The following LRRC37A2 variants were observed in gnomAD, a reference collection of about 807,000 sequenced individuals.
LRRC37A2 encodes the protein leucine-rich repeat-containing protein 37A2.
Under a neutral mutation model 68.8 loss-of-function variants are expected in LRRC37A2, and 9 were observed. The observed-to-expected ratio is 0.13, with a 90% CI of 0.08 to 0.23. LRRC37A2 has a LOEUF of 0.23. LRRC37A2 is among the 10% of genes least tolerant of loss of function. LRRC37A2 has a pLI of 1.00. For missense variants in LRRC37A2, 168 were observed against 950.4 expected (o/e 0.18, Z 10.82); for synonymous variants, 63 against 367.6 (o/e 0.17, Z 9.48).
chr17:46,846,026 G>A, the LRRC37A2 span, among the ~76,000 whole-genome samples: 1 of 151,744 alleles, frequency 6.6e-6, no homozygotes, highest in Admixed American at 6.6e-5. Context: ...CCTGATCTCA[G>A]GTGCTCCACC....
the LRRC37A2 span, among the ~76,000 whole-genome samples, chr17:46,907,967 C>T: frequency 2.6e-5 from 4 of 152,032 alleles, no homozygotes; most frequent in Non-Finnish European, 5.9e-5. Context: ...TGGGAATGGC[C>T]GGTAGAAGAG....
chr17:46,817,371 T>TC, the LRRC37A2 span, among the ~76,000 whole-genome samples: 6 of 151,032 alleles, frequency 4.0e-5, no homozygotes, highest in African/African-American at 1.5e-4. Flanking sequence ...CCTCCTCACC[T>TC]CCCCCCGCCC....
At chr17:46,754,220 G>T in the LRRC37A2 span, among the ~76,000 whole-genome samples, 1 of 139,976 alleles carries the variant, frequency 7.1e-6, no homozygotes, top group South Asian at 2.3e-4. Context: ...AAGGAAAAAT[G>T]TTTCTTTTGT....
At chr17:46,872,859 T>C in the LRRC37A2 span, 182,565 of 1,449,868 alleles carry the variant, frequency 0.13, 13,315 homozygotes, top group East Asian at 0.32. Context: ...CCTTTCCTTT[T>C]TCCTGGCTCC....
chr17:46,717,296 G>T, the LRRC37A2 span, among the ~76,000 whole-genome samples: 2 of 152,164 alleles, frequency 1.3e-5, no homozygotes, highest in African/African-American at 2.4e-5. Context: ...CTAAACAATT[G>T]AACTCAGGGA....
At chr17:46,496,621 C>A in the LRRC37A2 span, among the ~76,000 whole-genome samples, 125,939 of 126,988 alleles carry the variant, frequency 0.99, 62,464 homozygotes, top group East Asian at 1. Flanking sequence ...AAAAAAAAAA[C>A]AAAACAAAAC....
At chr17:46,983,979 C>T in the LRRC37A2 span, 1 of 152,360 alleles carries the variant, frequency 6.6e-6, no homozygotes, top group Non-Finnish European at 1.5e-5. Context: ...CATCGGACCT[C>T]TCCATGGTGC....
chr17:47,015,685 T>C, the LRRC37A2 span, among the ~76,000 whole-genome samples: 3 of 152,236 alleles, frequency 2.0e-5, no homozygotes, highest in Non-Finnish European at 4.4e-5. Flanking sequence ...AAAAGTATCA[T>C]TTCAGTGGGA....
the LRRC37A2 span, among the ~76,000 whole-genome samples, chr17:46,900,980 A>C: frequency 0.012 from 1,754 of 152,248 alleles, 41 homozygotes; most frequent in African/African-American, 0.04. Flanking sequence ...TGTCTTTCCC[A>C]ATCAGCTGTA....
chr17:46,878,275 A>G, the LRRC37A2 span, among the ~76,000 whole-genome samples: 2 of 152,130 alleles, frequency 1.3e-5, no homozygotes, highest in African/African-American at 2.4e-5. Flanking sequence ...CTGACCCTTC[A>G]CCAACACAGG....
chr17:46,791,155 C>T, the LRRC37A2 span, among the ~76,000 whole-genome samples: 2 of 152,224 alleles, frequency 1.3e-5, no homozygotes, highest in Admixed American at 1.3e-4. Flanking sequence ...GGGCTCCACA[C>T]CTTCCTTGGT....
At chr17:46,895,953 G>T in the LRRC37A2 span, among the ~76,000 whole-genome samples, 1 of 152,048 alleles carries the variant, frequency 6.6e-6, no homozygotes, top group Non-Finnish European at 1.5e-5. Flanking sequence ...AAGCTGGTGG[G>T]GGCAGAGGGG....
At chr17:46,876,277 G>T in the LRRC37A2 span, 1 of 1,613,556 alleles carries the variant, frequency 6.2e-7, no homozygotes, top group Non-Finnish European at 8.5e-7. Flanking sequence ...CCACGTGTAA[G>T]TGCCATGGCG....
the LRRC37A2 span, among the ~76,000 whole-genome samples, chr17:46,775,893 G>A: frequency 2.6e-5 from 4 of 152,056 alleles, no homozygotes; most frequent in Admixed American, 6.6e-5. Context: ...GATTACAGGC[G>A]CGAGCCACCA....
chr17:46,939,476 T>A, the LRRC37A2 span: 4 of 986,964 alleles, frequency 4.1e-6, no homozygotes, highest in Non-Finnish European at 3.6e-6. Context: ...TTTTTCTAGT[T>A]GTTAATAGAG....
chr17:46,976,545 TCAAA>T, the LRRC37A2 span, among the ~76,000 whole-genome samples: 4 of 151,878 alleles, frequency 2.6e-5, no homozygotes, highest in East Asian at 2.0e-4. Flanking sequence ...AGATTCCATC[TCAAA>T]CAAACAAACA....
the LRRC37A2 span, chr17:46,764,173 G>GAGGA: frequency 6.6e-6 from 1 of 152,358 alleles, no homozygotes; most frequent in African/African-American, 2.4e-5. Flanking sequence ...CCTACTTCCT[G>GAGGA]ACTCCCACCC....
the LRRC37A2 span, among the ~76,000 whole-genome samples, chr17:47,007,318 C>G: frequency 6.6e-6 from 1 of 152,262 alleles, no homozygotes; most frequent in Admixed American, 6.5e-5. Flanking sequence ...GCTGGGATTA[C>G]AGGTGCCTGC....
the LRRC37A2 span, among the ~76,000 whole-genome samples, chr17:46,744,870 T>C: frequency 1.2e-4 from 18 of 152,256 alleles, no homozygotes; most frequent in Admixed American, 1.2e-3. Flanking sequence ...CTTATGGTAC[T>C]AAGAATTAGT....
Sources: allele counts gnomAD v4.1 joint callset (sites outside exome capture counted in the v4.1 genomes callset), GRCh38; gene constraint gnomAD v4.1.1; transcripts MANE v1.5; gene names NCBI Gene and HGNC (gene_info 2026-07-23, HGNC 2026-07-21).